The following CHST6 variants were observed in gnomAD, a reference collection of about 807,000 sequenced individuals.
CHST6 encodes the protein carbohydrate sulfotransferase 6.
For missense variants in CHST6, 698 were observed against 586.2 expected (o/e 1.19, Z -1.97); for synonymous variants, 309 against 276.4 (o/e 1.12, Z -1.17).
Position 75,478,608 on chromosome 16 carries a change from CG to C in CHST6, c.*32del, listed in dbSNP as rs752890546. ...CCCTCTGCACCATGCACTCTCCTCC[CG>C]GGCCTAGCGCCTGCTACAACTGTGG... On this transcript the variant is annotated 3_prime_UTR_variant, in exon 3 of 3. Transcript: ENST00000332272. The C allele has an allele frequency of 6.2e-7, 1 of 1,608,476 alleles. No individual in the cohort carries two copies. The highest frequency in any genetic ancestry group is 1.1e-5 in the South Asian group (1 of 90,942).
At position 75,477,496 on chromosome 16, in the gene CHST6, C is replaced by T. The variant is rs546693069; in HGVS notation, c.*1145G>A. On this transcript the variant is annotated 3_prime_UTR_variant, in exon 3 of 3. Transcript: ENST00000332272. ...AGCCAACACAGTTCCCAGACCAGCT[C>T]TGTGTTCCAATGTGACTTGGGTTCA... The T allele has an allele frequency of 4.6e-5, 7 of 152,346 alleles. No individual in the cohort carries two copies. Among genetic ancestry groups the T allele is most frequent in the African/African-American group, 1.7e-4 (7 of 41,558 alleles). 9.4% of individuals were successfully genotyped at this position (152,346 alleles called of 1,614,324 possible).
intron 1 of CHST6, among the ~76,000 whole-genome samples, chr16:75,491,190 A>AAT (rs1555501738): frequency 0.018 from 907 of 50,030 alleles, 21 homozygotes; most frequent in East Asian, 0.054. Flanking sequence ...AAAAAAAAAA[A>AAT]ATATATATAT....
At position 75,495,214 on chromosome 16, in the gene CHST6, G is replaced by C. The variant is rs1340195881; in HGVS notation, c.-366C>G. On this transcript the variant is annotated 5_prime_UTR_variant, in exon 1 of 3. Coordinates refer to ENST00000332272, the MANE Select transcript of CHST6 (RefSeq NM_021615.5). ...TGGAAGCTCCTGGAGACTCGAGGTA[G>C]AACGAATGTGGGAACAGGGCAGGAG... The C allele has an allele frequency of 6.6e-6, 1 of 152,478 alleles. No individual in the cohort carries two copies. The highest frequency in any genetic ancestry group is 2.4e-5 in the African/African-American group (1 of 41,468). The allele number at this position is 152,478 out of a possible 1,614,324, so 9.4% of individuals were successfully genotyped here. A position where few individuals can be genotyped will look rare whatever the true frequency, so the allele number is the denominator to read the frequency against.
At chr16:75,491,190 A>AAAAAAAAAATATATATAT (rs1206595857) in intron 1 of CHST6, among the ~76,000 whole-genome samples, 1 of 50,088 alleles carries the variant, frequency 2.0e-5, no homozygotes, top group Non-Finnish European at 3.0e-5. Context: ...AAAAAAAAAA[A>AAAAAAAAAATATATATAT]ATATATATAT....
At chr16:75,486,074 A>G (rs531103813) in intron 1 of CHST6, among the ~76,000 whole-genome samples, 1 of 152,178 alleles carries the variant, frequency 6.6e-6, no homozygotes, top group Non-Finnish European at 1.5e-5. Context: ...GTGTTCATCA[A>G]ACAAGCTCCA....
Position 75,472,322 on chromosome 16 carries a change from A to G in CHST6, c.*6319T>C, listed in dbSNP as rs1378471824. 4 of 152,228 alleles carry G rather than the reference A, an allele frequency of 2.6e-5. No individual in the cohort carries two copies. Among genetic ancestry groups the G allele is most frequent in the African/African-American group, 9.6e-5 (4 of 41,458 alleles). 9.4% of individuals were successfully genotyped at this position (152,228 alleles called of 1,614,324 possible). On this transcript the variant is annotated 3_prime_UTR_variant, in exon 3 of 3. Coordinates refer to ENST00000332272, the MANE Select transcript of CHST6 (RefSeq NM_021615.5). ...AAGAAGCCTGAGGGGAAAATGCCATAAAGTAAGTTAACAAAACAACAACAA... is the reference window on the plus strand; with the variant it reads ...AAGAAGCCTGAGGGGAAAATGCCATGAAGTAAGTTAACAAAACAACAACAA...
chr16:75,479,450 G>C lies in CHST6; in HGVS notation c.379C>G (p.Arg127Gly). The change falls in exon 3 of 3, where the codon CGT becomes GGT. Residue 127 changes from arginine to glycine, a missense_variant. By Grantham distance (125) the Arg-to-Gly change is moderately radical. Transcript: ENST00000332272. ...LSDLFQWAVS[R>G]ALCSPPACSA... ...CAGGCGGGTGGCGAGCACAGTGCAC[G>C]GCTCACGGCCCACTGGAAGAGGTCG... is the stretch of plus-strand genomic sequence containing the variant. The C allele has an allele frequency of 1.2e-6, 2 of 1,612,918 alleles. No individual in the cohort carries two copies. The highest frequency in any genetic ancestry group is 1.7e-6 in the Non-Finnish European group (2 of 1,179,864).
chr16:75,491,213 ATATAT>A (rs1442545717), intron 1 of CHST6, among the ~76,000 whole-genome samples: 9 of 133,382 alleles, frequency 6.7e-5, no homozygotes, highest in African/African-American at 2.2e-4. Flanking sequence ...ATATATATAT[ATATAT>A]AAAATATAAT....
At position 75,473,611 on chromosome 16, in the gene CHST6, T is replaced by C. The variant is rs1042433072; in HGVS notation, c.*5030A>G. 2.2e-4 allele frequency: 33 copies of C among 152,188 alleles called. No homozygotes were observed. The highest frequency in any genetic ancestry group is 7.5e-4 in the African/African-American group (31 of 41,460). 9.4% of individuals were successfully genotyped at this position (152,188 alleles called of 1,614,324 possible). ...CCCTTTTCTGCCTAAAGGCACGATA[T>C]AAACTCTCCATCACTGGACACAACC... On this transcript the variant is annotated 3_prime_UTR_variant, in exon 3 of 3. Coordinates refer to ENST00000332272, the MANE Select transcript of CHST6 (RefSeq NM_021615.5).
rs2080040534 is a variant in CHST6, at chr16:75,473,994, A to C, written c.*4647T>G. ...CCAGCCCAGCCTGATCGACATGGTG[A>C]AACCCCATCTCTACTAAAAATACAA... On this transcript the variant is annotated 3_prime_UTR_variant, in exon 3 of 3. Transcript: ENST00000332272. The C allele has an allele frequency of 6.6e-6, 1 of 152,146 alleles. No individual in the cohort carries two copies. The highest frequency in any genetic ancestry group is 2.1e-4 in the South Asian group (1 of 4,826). The allele number at this position is 152,146 out of a possible 1,614,324, so 9.4% of individuals were successfully genotyped here. A position where few individuals can be genotyped will look rare whatever the true frequency, so the allele number is the denominator to read the frequency against.
rs1404322550 is a variant in CHST6 at position 75,478,492 on chromosome 16, C to G, written c.*149G>C. ...AACCAAGAATCAAGAGAGAAAGAAA[C>G]GTGCAGTCCTTGCCTACTTGGGGAG... On this transcript the variant is annotated 3_prime_UTR_variant, in exon 3 of 3. Coordinates refer to ENST00000332272, the MANE Select transcript of CHST6 (RefSeq NM_021615.5). 1.3e-6 allele frequency: 1 copy of G among 743,018 alleles called. No individual in the cohort carries two copies. The highest frequency in any genetic ancestry group is 1.8e-5 in the African/African-American group (1 of 57,014). 46.0% of individuals were successfully genotyped at this position (743,018 alleles called of 1,614,324 possible). A position where few individuals can be genotyped will look rare whatever the true frequency, so the allele number is the denominator to read the frequency against.
chr16:75,485,412 G>A (rs1006023179), intron 1 of CHST6, among the ~76,000 whole-genome samples: 5 of 152,130 alleles, frequency 3.3e-5, no homozygotes, highest in African/African-American at 1.2e-4. Flanking sequence ...GTTGCAGTGA[G>A]TTATATCATT....
chr16:75,494,580 T>C (rs1239683876), intron 1 of CHST6, among the ~76,000 whole-genome samples: 1 of 152,212 alleles, frequency 6.6e-6, no homozygotes, highest in East Asian at 1.9e-4. Context: ...CCAATTCCCC[T>C]GGGTCTGGTT....
In CHST6 at chr16:75,474,336, A is replaced by G. The variant is rs11641249; in HGVS notation, c.*4305T>C. On this transcript the variant is annotated 3_prime_UTR_variant, in exon 3 of 3. Transcript: ENST00000332272. ...GTCACTCAGGCTGGAGTGCACTGGCATGATCATGGTTCAATGTAGCCTCAA... is the reference window on the plus strand; with the variant it reads ...GTCACTCAGGCTGGAGTGCACTGGCGTGATCATGGTTCAATGTAGCCTCAA... The G allele has an allele frequency of 0.54, 192,000 of 352,332 alleles. 53,241 individuals carry two copies. Among genetic ancestry groups the G allele is most frequent in the Admixed American group, 0.65 (13,806 of 21,320 alleles). 21.8% of individuals were successfully genotyped at this position (352,332 alleles called of 1,614,324 possible).
At chr16:75,493,491 T>C (rs1361956133) in intron 1 of CHST6, among the ~76,000 whole-genome samples, 3 of 148,014 alleles carry the variant, frequency 2.0e-5, no homozygotes, top group Non-Finnish European at 4.4e-5. Flanking sequence ...CACTCCAGCC[T>C]CGGTGACAGA....
At position 75,474,570 on chromosome 16, in the gene CHST6, C is replaced by T. The variant is rs1346650672; in HGVS notation, c.*4071G>A. On this transcript the variant is annotated 3_prime_UTR_variant, in exon 3 of 3. Coordinates refer to ENST00000332272, the MANE Select transcript of CHST6 (RefSeq NM_021615.5). ...GGATTACAGGCGTGAGCCACTGAAC[C>T]CAGCAAGGGTCATATATAATAAATA... 1 of 398,274 alleles carries T rather than the reference C, an allele frequency of 2.5e-6. No homozygotes were observed. Among genetic ancestry groups the T allele is most frequent in the Non-Finnish European group, 4.4e-6 (1 of 226,046 alleles). The allele number at this position is 398,274 out of a possible 1,614,324, so 24.7% of individuals were successfully genotyped here. A position where few individuals can be genotyped will look rare whatever the true frequency, so the allele number is the denominator to read the frequency against.
Position 75,479,900 on chromosome 16 carries a change from C to T in CHST6, c.-16-56G>A. The T allele has an allele frequency of 2.1e-6, 3 of 1,455,876 alleles. No homozygotes were observed. The Admixed American group carries it at 6.1e-5, about 30-fold the overall frequency. The allele number at this position is 1,455,876 out of a possible 1,614,324, so 90.2% of individuals were successfully genotyped here. ...TGCAGCCTGCACGCCCATCCCGTAC[C>T]CCACTGCCCAGTGCCCGCAGGGGGC... On this transcript the variant is annotated intron_variant, in intron 2 of 2. Coordinates refer to ENST00000332272, the MANE Select transcript of CHST6 (RefSeq NM_021615.5).
intron 2 of CHST6, among the ~76,000 whole-genome samples, chr16:75,481,154 T>C (rs1254163286): frequency 5.9e-5 from 9 of 151,634 alleles, no homozygotes; most frequent in Non-Finnish European, 4.4e-5. Flanking sequence ...AGTGCGCCTG[T>C]GGTCCCTGCT....
intron 1 of CHST6, among the ~76,000 whole-genome samples, chr16:75,491,200 T>G (rs1371809856): frequency 8.6e-6 from 1 of 116,160 alleles, no homozygotes; most frequent in Admixed American, 9.6e-5. Flanking sequence ...AATATATATA[T>G]ATATATATAT....
Sources: gnomAD v4.1 joint callset for allele counts (sites outside exome capture counted in the v4.1 genomes callset) on GRCh38, gnomAD v4.1.1 for gene constraint, MANE v1.5 for transcripts, NCBI Gene and HGNC (gene_info 2026-07-23, HGNC 2026-07-21) for gene names.